The following SLC24A2 variants were observed in gnomAD, a reference collection of about 807,000 sequenced individuals.
SLC24A2 encodes solute carrier family 24 member 2.
A neutral mutation model predicts 62.0 loss-of-function variants in SLC24A2; 36 were observed. The observed-to-expected ratio is 0.58, with a 90% CI of 0.44 to 0.77. The LOEUF is 0.77. SLC24A2 is among the 30% of genes least tolerant of loss of function. The pLI, the probability that SLC24A2 is intolerant of heterozygous loss-of-function variation, is 0.00. For synonymous variants in SLC24A2, 358 were observed against 294.0 expected, an observed-to-expected ratio of 1.22 and a Z score of -2.23; for missense variants, 846 against 817.9, an observed-to-expected ratio of 1.03 and a Z score of -0.42.
the SLC24A2 span, among the ~76,000 whole-genome samples, chr9:20,120,588 A>G: frequency 1.7e-3 from 256 of 152,278 alleles, 1 homozygote; most frequent in African/African-American, 5.6e-3. Flanking sequence ...CTGAAAAACT[A>G]TCTATTGAGT....
At chr9:20,219,485 A>G in the SLC24A2 span, among the ~76,000 whole-genome samples, 89 of 152,344 alleles carry the variant, frequency 5.8e-4, no homozygotes, top group African/African-American at 2.0e-3. Context: ...CTTGGAGATT[A>G]TAATAAAATG....
Position 19,513,262 on chromosome 9 carries a change from C to G in SLC24A2, c.*2891G>C, listed in dbSNP as rs1340174964. ...TAGAGATGACCTGTTTTGGAAACCACGGTGTGGAAAGTTCTTATAATTATG... is the reference window on the plus strand; with the variant it reads ...TAGAGATGACCTGTTTTGGAAACCAGGGTGTGGAAAGTTCTTATAATTATG... On this transcript the variant is annotated 3_prime_UTR_variant, in exon 11 of 11. Transcript: ENST00000341998. 1 of 149,694 alleles carries G rather than the reference C, an allele frequency of 6.7e-6. No homozygotes were observed. Among genetic ancestry groups the G allele is most frequent in the Non-Finnish European group, 1.5e-5 (1 of 67,838 alleles). The allele number at this position is 149,694 out of a possible 1,614,324, so 9.3% of individuals were successfully genotyped here.
chr9:20,217,335 G>T, the SLC24A2 span, among the ~76,000 whole-genome samples: 1 of 152,184 alleles, frequency 6.6e-6, no homozygotes, highest in African/African-American at 2.4e-5. Context: ...TCAGAAAGAG[G>T]TTACAAGGAG....
At chr9:19,913,571 T>A in the SLC24A2 span, among the ~76,000 whole-genome samples, 1 of 152,060 alleles carries the variant, frequency 6.6e-6, no homozygotes. Flanking sequence ...GCAAAGGACA[T>A]CGTGATTTCA....
intron 2 of SLC24A2, among the ~76,000 whole-genome samples, chr9:19,772,491 A>C (rs1822719668): frequency 6.6e-6 from 1 of 152,200 alleles, no homozygotes; most frequent in Admixed American, 6.6e-5. Context: ...GGGGCTTGTA[A>C]CCAGAATAGA....
At chr9:19,610,712 C>T (rs1320048434) in intron 4 of SLC24A2, among the ~76,000 whole-genome samples, 1 of 152,244 alleles carries the variant, frequency 6.6e-6, no homozygotes, top group Non-Finnish European at 1.5e-5. Context: ...GATCTGATCA[C>T]TCTTCATAGC....
At chr9:20,032,475 G>C in the SLC24A2 span, among the ~76,000 whole-genome samples, 1 of 152,216 alleles carries the variant, frequency 6.6e-6, no homozygotes, top group South Asian at 2.1e-4. Context: ...GTATGGGACT[G>C]TGTTTTATAA....
rs7042845 is a variant in SLC24A2, at chr9:19,520,619, T to C, written c.1736+275A>G. Among the ~76,000 whole-genome samples, 444 of 152,200 alleles carry C rather than the reference T, an allele frequency of 2.9e-3. 1 individual carries two copies. Among genetic ancestry groups the C allele is most frequent in the African/African-American group, 0.01 (421 of 41,538 alleles). On this transcript the variant is annotated intron_variant, in intron 10 of 10. Coordinates refer to ENST00000341998, the MANE Select transcript of SLC24A2 (RefSeq NM_020344.4). ...TCTCAGTTCCACTTGAATGTTGTTA[T>C]ATAAGTGAAATTCTAAAGTATTTCC...
At chr9:19,949,298 C>T in the SLC24A2 span, among the ~76,000 whole-genome samples, 25 of 152,232 alleles carry the variant, frequency 1.6e-4, no homozygotes, top group African/African-American at 4.3e-4. Flanking sequence ...CTGGCCCCCA[C>T]CTTCCATTTA....
rs370731750 is a variant in SLC24A2, at chr9:19,551,101, T to C, written c.1348-833A>G. ...CTATCTAACTGTAAGTTTGTACCCA[T>C]TGACCGACCTCTCTTCATTTCTCCC... On this transcript the variant is annotated intron_variant, in intron 7 of 10. Transcript: ENST00000341998. Among the ~76,000 whole-genome samples, 16 of 152,316 alleles carry C rather than the reference T, an allele frequency of 1.1e-4. No homozygotes were observed. In the East Asian group the frequency reaches 1.9e-3, roughly 18 times the overall value.
chr9:20,281,851 A>G, the SLC24A2 span, among the ~76,000 whole-genome samples: 2 of 152,212 alleles, frequency 1.3e-5, no homozygotes, highest in Non-Finnish European at 2.9e-5. Flanking sequence ...CTACAGTACT[A>G]AATCTTCCAA....
At chr9:19,771,921 G>A (rs930125940) in intron 2 of SLC24A2, among the ~76,000 whole-genome samples, 2 of 152,190 alleles carry the variant, frequency 1.3e-5, no homozygotes, top group African/African-American at 4.8e-5. Context: ...TATATTGGGG[G>A]ATAGAAGGTG....
At chr9:20,183,197 AG>A in the SLC24A2 span, among the ~76,000 whole-genome samples, 1 of 152,190 alleles carries the variant, frequency 6.6e-6, no homozygotes, top group Non-Finnish European at 1.5e-5. Context: ...AACATCCCAA[AG>A]ATAGGTGTGG....
chr9:19,518,947 C>G (rs1174451240), intron 10 of SLC24A2, among the ~76,000 whole-genome samples: 1 of 152,040 alleles, frequency 6.6e-6, no homozygotes, highest in Non-Finnish European at 1.5e-5. Flanking sequence ...ATATTTAGTT[C>G]ATTAATACTG....
chr9:19,709,416 A>G (rs1483763602), intron 2 of SLC24A2, among the ~76,000 whole-genome samples: 2 of 152,354 alleles, frequency 1.3e-5, no homozygotes, highest in East Asian at 3.9e-4. Flanking sequence ...TATATACCCA[A>G]AGGATTATAA....
chr9:19,738,481 A>G (rs537835118), intron 2 of SLC24A2, among the ~76,000 whole-genome samples: 3 of 152,208 alleles, frequency 2.0e-5, no homozygotes, highest in East Asian at 1.9e-4. Flanking sequence ...TAAAAGTGGT[A>G]TCAGTTTTAA....
chr9:19,716,672 C>T (rs1408042098), intron 2 of SLC24A2, among the ~76,000 whole-genome samples: 1 of 152,184 alleles, frequency 6.6e-6, no homozygotes, highest in Admixed American at 6.5e-5. Context: ...AGCCCCTTTG[C>T]CTACCTCCCC....
chr9:19,940,484 G>C, the SLC24A2 span, among the ~76,000 whole-genome samples: 1 of 152,020 alleles, frequency 6.6e-6, no homozygotes, highest in East Asian at 1.9e-4. Flanking sequence ...CAACTTCCTC[G>C]TGTAGAATTT....
At chr9:19,686,521 C>T (rs968249167) in intron 2 of SLC24A2, among the ~76,000 whole-genome samples, 24 of 152,080 alleles carry the variant, frequency 1.6e-4, no homozygotes, top group African/African-American at 5.3e-4. Context: ...ATAATCTCCA[C>T]GTCTTGCGGG....
Sources: gnomAD v4.1 joint callset for allele counts (sites outside exome capture counted in the v4.1 genomes callset) on GRCh38, gnomAD v4.1.1 for gene constraint, MANE v1.5 for transcripts, NCBI Gene and HGNC (gene_info 2026-07-23, HGNC 2026-07-21) for gene names.